Variants in SFXN1 observed in about 807,000 individuals in gnomAD.
SFXN1 encodes sideroflexin-1.
SFXN1 carries 32 observed loss-of-function variants against 39.5 expected under a neutral mutation model. The observed-to-expected ratio is 0.81, with a 90% confidence interval of 0.61 to 1.09. SFXN1 has a LOEUF of 1.09. SFXN1 is among the 50% of genes least tolerant of loss of function. The pLI, the probability that SFXN1 is intolerant of heterozygous loss-of-function variation, is 0.00. For synonymous variants in SFXN1, 136 were observed against 146.5 expected (o/e 0.93, Z 0.52); for missense variants, 402 against 407.1 (o/e 0.99, Z 0.11).
chr5:175,521,964 T>A lies in SFXN1; in HGVS notation c.820T>A (p.Phe274Ile). 1 of 1,601,994 alleles carries A rather than the reference T, an allele frequency of 6.2e-7. No homozygotes were observed. Reference protein sequence around the residue: ...SAPIQVGLVGFCLVFATPLCC... With the variant: ...SAPIQVGLVGICLVFATPLCC... The stretch of plus-strand genomic sequence containing the variant: ...ACCCATTCAAGTTGGGTTAGTTGGC[T>A]TCTGGTGAGTAGAAATTACTTTTAC... Residue 274 changes from phenylalanine (F) to isoleucine (I), a missense_variant, in exon 9 of 11, where the codon TTC (phenylalanine) becomes ATC (isoleucine). Transcript: ENST00000321442.
intron 7 of SFXN1, among the ~76,000 whole-genome samples, chr5:175,515,265 C>G (rs1286335705): frequency 6.6e-6 from 1 of 151,998 alleles, no homozygotes; most frequent in Non-Finnish European, 1.5e-5. Context: ...ATCCACCCAC[C>G]CCGAATGCTA....
chr5:175,526,626 C>T lies in SFXN1; in HGVS notation c.873-12C>T, dbSNP rs556989722. On this transcript the variant is annotated splice_polypyrimidine_tract_variant and intron_variant, in intron 10 of 10. Coordinates refer to ENST00000321442, the MANE Select transcript of SFXN1 (RefSeq NM_022754.7). ...CCTGTGTAATAACCCTGTCATTTCT[C>T]CCTTATCCCAGTTCCATGTCTGTGA... 6.2e-6 allele frequency: 10 copies of T among 1,610,984 alleles called. No individual in the cohort carries two copies. In the South Asian group the frequency reaches 9.9e-5, roughly 16 times the overall value.
chr5:175,507,306 T>C (rs753325293), intron 2 of SFXN1, among the ~76,000 whole-genome samples: 1 of 152,098 alleles, frequency 6.6e-6, no homozygotes, highest in Non-Finnish European at 1.5e-5. Context: ...CATTTCCAAA[T>C]AGGGTCACAT....
At chr5:175,484,274 C>T (rs1367852550) in intron 1 of SFXN1, 1 of 152,260 alleles carries the variant, frequency 6.6e-6, no homozygotes, top group Non-Finnish European at 1.5e-5. Context: ...CAGACAAGCC[C>T]AGGGGCCATA....
intron 6 of SFXN1, among the ~76,000 whole-genome samples, 157 bp from the exon 7 acceptor site, chr5:175,513,280 CAACAGAGTGAGACTGTAAAAAAAAAA>C (rs1224501142): frequency 9.0e-6 from 1 of 110,814 alleles, no homozygotes; most frequent in African/African-American, 3.5e-5. Context: ...CCAGCCTGGG[CAACAGAGTGAGACTGTAAAAAAAAAA>C]AAAAAAAAAA....
At chr5:175,521,399 C>T (rs1175601583) in intron 8 of SFXN1, among the ~76,000 whole-genome samples, 1 of 152,150 alleles carries the variant, frequency 6.6e-6, no homozygotes, top group Non-Finnish European at 1.5e-5. Context: ...ATGTTCCAGC[C>T]ACCATACTAG....
intron 2 of SFXN1, among the ~76,000 whole-genome samples, chr5:175,504,086 G>A (rs1026856432): frequency 6.6e-6 from 1 of 151,640 alleles, no homozygotes; most frequent in Non-Finnish European, 1.5e-5. Flanking sequence ...GGGATCAAGA[G>A]AGGCAGAGAG....
At chr5:175,495,217 G>C (rs1759812957) in intron 2 of SFXN1, among the ~76,000 whole-genome samples, 1 of 152,164 alleles carries the variant, frequency 6.6e-6, no homozygotes, top group Admixed American at 6.5e-5. Context: ...GACAAATATT[G>C]TGTGATTTCA....
chr5:175,509,201 A>G lies in SFXN1; in HGVS notation c.334A>G (p.Arg112Gly). The G allele has an allele frequency of 6.2e-7, 1 of 1,610,274 alleles. No individual in the cohort carries two copies. The highest frequency in any genetic ancestry group is 2.2e-5 in the East Asian group (1 of 44,730). The change falls in exon 3 of 11, where the codon AGG (arginine) becomes GGG (glycine). Residue 112 changes from arginine (R) to glycine (G), a missense_variant and splice_region_variant. Arg to Gly is a moderately radical substitution (Grantham distance 125, BLOSUM62 -2). Coordinates refer to ENST00000321442, the MANE Select transcript of SFXN1 (RefSeq NM_022754.7). ...CACAGGTTGTATGATGACGTTTTAC[A>G]GGTATGTTATGAATATGTAGCAACA... Reference protein sequence around the residue: ...TITGCMMTFYRTTPAVLFWQW... With the variant: ...TITGCMMTFYGTTPAVLFWQW...
At chr5:175,490,347 C>T (rs1176164603) in intron 1 of SFXN1, among the ~76,000 whole-genome samples, 1 of 152,174 alleles carries the variant, frequency 6.6e-6, no homozygotes, top group African/African-American at 2.4e-5. Flanking sequence ...GTGTTTGTTA[C>T]CCCAGCCTGC....
chr5:175,496,278 G>A (rs541977336), intron 2 of SFXN1, among the ~76,000 whole-genome samples: 2 of 151,958 alleles, frequency 1.3e-5, no homozygotes, highest in East Asian at 3.9e-4. Context: ...GGAGGCTGAG[G>A]CAGGAGAATC....
intron 7 of SFXN1, among the ~76,000 whole-genome samples, chr5:175,516,309 G>A (rs1233840084): frequency 6.6e-6 from 1 of 152,074 alleles, no homozygotes; most frequent in Non-Finnish European, 1.5e-5. Flanking sequence ...AATATAGGAA[G>A]AAAAAGTTCC....
At chr5:175,486,386 C>T (rs373439655) in intron 1 of SFXN1, among the ~76,000 whole-genome samples, 7 of 152,226 alleles carry the variant, frequency 4.6e-5, no homozygotes, top group African/African-American at 1.7e-4. Flanking sequence ...TGGACCTCAG[C>T]TTCCGCATAA....
intron 2 of SFXN1, 34 bp downstream of exon 2, chr5:175,492,301 TA>T: frequency 6.6e-7 from 1 of 1,522,462 alleles, no homozygotes; most frequent in South Asian, 1.2e-5. Context: ...GTTTAATGTA[TA>T]AATAGATCAT....
chr5:175,517,905 G>A (rs157471), intron 8 of SFXN1, among the ~76,000 whole-genome samples: 33,322 of 151,948 alleles, frequency 0.22, 4,611 homozygotes, highest in African/African-American at 0.39. Context: ...TCCTCTGCAA[G>A]GAGGTACTTA....
At chr5:175,512,339 C>T in intron 6 of SFXN1, 143 bp downstream of exon 6, 1 of 761,392 alleles carries the variant, frequency 1.3e-6, no homozygotes, top group African/African-American at 1.8e-5. Context: ...TTTTGAAATA[C>T]TCTGGGGTTG....
chr5:175,483,408 A>C (rs1030931742), intron 1 of SFXN1, among the ~76,000 whole-genome samples: 2 of 152,152 alleles, frequency 1.3e-5, no homozygotes, highest in African/African-American at 4.8e-5. Context: ...AAATCCAAAA[A>C]TTTCTTTAAA....
chr5:175,493,633 G>T (rs992267433), intron 2 of SFXN1, among the ~76,000 whole-genome samples: 4 of 152,214 alleles, frequency 2.6e-5, no homozygotes, highest in Admixed American at 6.5e-5. Flanking sequence ...AAAGACAACT[G>T]CATGGTTGAA....
intron 2 of SFXN1, among the ~76,000 whole-genome samples, chr5:175,502,494 T>G (rs1760121110): frequency 6.6e-6 from 1 of 152,236 alleles, no homozygotes; most frequent in South Asian, 2.1e-4. Context: ...CATAATTTCC[T>G]TAGTTATAAT....
Sources: allele counts gnomAD v4.1 joint callset (sites outside exome capture counted in the v4.1 genomes callset), GRCh38; gene constraint gnomAD v4.1.1; transcripts MANE v1.5; gene names NCBI Gene and HGNC (gene_info 2026-07-23, HGNC 2026-07-21).